CNTNAP2: variants seen among roughly 807,000 people sequenced by gnomAD.
The protein encoded by CNTNAP2 is contactin associated protein 2.
In CNTNAP2, 98 loss-of-function variants were observed where a neutral mutation model predicts 155.2. The observed-to-expected ratio is 0.63, with a 90% confidence interval of 0.54 to 0.75. The LOEUF is 0.75. Ranked by LOEUF, CNTNAP2 falls within the 30% of genes least tolerant of loss-of-function variation. The probability of loss-of-function intolerance (pLI) is 0.00; values close to 1 mark genes in which losing one functional copy is unlikely to be tolerated. For synonymous variants in CNTNAP2, 651 were observed against 631.2 expected, an observed-to-expected ratio of 1.03 and a Z score of -0.47; for missense variants, 1,727 against 1,688.1, an observed-to-expected ratio of 1.02 and a Z score of -0.40.
chr7:147,330,609 G>T (rs977108461), intron 9 of CNTNAP2, among the ~76,000 whole-genome samples: 12 of 152,094 alleles, frequency 7.9e-5, no homozygotes, highest in African/African-American at 2.9e-4. Flanking sequence ...TGAATTGTTG[G>T]ATAACCAGTT....
At chr7:148,034,832 T>A (rs575148813) in intron 15 of CNTNAP2, among the ~76,000 whole-genome samples, 4 of 152,208 alleles carry the variant, frequency 2.6e-5, no homozygotes, top group South Asian at 2.1e-4. Flanking sequence ...GATTACTAAG[T>A]TGTTGTGATC....
chr7:147,097,725 A>G (rs1341404059), intron 4 of CNTNAP2: 1 of 152,228 alleles, frequency 6.6e-6, no homozygotes, highest in African/African-American at 2.4e-5. Flanking sequence ...GAATTTGAAA[A>G]GGATAGCGCA....
At chr7:146,230,231 C>G (rs138460324) in intron 1 of CNTNAP2, among the ~76,000 whole-genome samples, 1 of 152,204 alleles carries the variant, frequency 6.6e-6, no homozygotes, top group East Asian at 1.9e-4. Flanking sequence ...TATATAAGTC[C>G]ACTTGGCACC....
intron 9 of CNTNAP2, among the ~76,000 whole-genome samples, chr7:147,317,478 T>C (rs1306657013): frequency 6.6e-6 from 1 of 152,206 alleles, no homozygotes; most frequent in Admixed American, 6.5e-5. Flanking sequence ...CATGTTGGCC[T>C]TCCTTGAGCT....
chr7:146,152,742 C>T (rs1798070146), intron 1 of CNTNAP2, among the ~76,000 whole-genome samples: 1 of 152,046 alleles, frequency 6.6e-6, no homozygotes, highest in Admixed American at 6.6e-5. Context: ...AAAATCTCTG[C>T]TAGATTGAAC....
chr7:147,527,184 G>C (rs1799340737), intron 11 of CNTNAP2, among the ~76,000 whole-genome samples: 1 of 151,656 alleles, frequency 6.6e-6, no homozygotes, highest in South Asian at 2.1e-4. Flanking sequence ...CACCATGTAT[G>C]GCTAATTTTC....
At chr7:148,077,991 A>G (rs962049961) in intron 15 of CNTNAP2, among the ~76,000 whole-genome samples, 10 of 138,256 alleles carry the variant, frequency 7.2e-5, no homozygotes, top group Middle Eastern at 7.1e-3. Flanking sequence ...ACTTTAATAG[A>G]ATATTACAAT....
intron 11 of CNTNAP2, among the ~76,000 whole-genome samples, chr7:147,519,551 T>G (rs1016538319): frequency 3.3e-5 from 5 of 152,196 alleles, no homozygotes; most frequent in African/African-American, 1.2e-4. Context: ...CAAATTGTAT[T>G]CTGTGATTAT....
intron 1 of CNTNAP2, among the ~76,000 whole-genome samples, chr7:146,197,078 A>C (rs1798787743): frequency 6.6e-6 from 1 of 152,174 alleles, no homozygotes; most frequent in Non-Finnish European, 1.5e-5. Context: ...CTGGAAAAAA[A>C]ATGGAAAGAT....
chr7:147,690,314 A>G (rs529385039), intron 13 of CNTNAP2, among the ~76,000 whole-genome samples: 1 of 152,148 alleles, frequency 6.6e-6, no homozygotes, highest in Non-Finnish European at 1.5e-5. Context: ...CTTAGGCAAA[A>G]TGTCTAATCT....
chr7:147,425,733 G>A (rs553640767), intron 10 of CNTNAP2, among the ~76,000 whole-genome samples: 3 of 152,166 alleles, frequency 2.0e-5, no homozygotes, highest in East Asian at 3.9e-4. Flanking sequence ...GGAAAATATC[G>A]AAGAGATGAA....
intron 13 of CNTNAP2, among the ~76,000 whole-genome samples, chr7:147,678,163 A>G (rs180975779): frequency 6.6e-6 from 1 of 151,928 alleles, no homozygotes; most frequent in African/African-American, 2.4e-5. Flanking sequence ...ATAGACATAC[A>G]TTTCCAGGAT....
At chr7:147,959,854 C>T (rs1801085675) in intron 14 of CNTNAP2, among the ~76,000 whole-genome samples, 1 of 152,120 alleles carries the variant, frequency 6.6e-6, no homozygotes, top group African/African-American at 2.4e-5. Flanking sequence ...AGTCGAGTCC[C>T]AGTTGGTACC....
At chr7:147,230,491 C>T (rs541185155) in intron 8 of CNTNAP2, among the ~76,000 whole-genome samples, 2 of 152,200 alleles carry the variant, frequency 1.3e-5, no homozygotes, top group African/African-American at 2.4e-5. Flanking sequence ...CTCTTGACCT[C>T]GTCCATGTCA....
At chr7:147,043,841 A>G in intron 3 of CNTNAP2, 66 bp from the exon 4 acceptor site, 1 of 1,578,544 alleles carries the variant, frequency 6.3e-7, no homozygotes, top group Non-Finnish European at 8.7e-7. Flanking sequence ...TTATTCTAGT[A>G]GACAGAGGAC....
At chr7:146,987,150 C>T (rs2129238052) in intron 3 of CNTNAP2, among the ~76,000 whole-genome samples, 1 of 152,258 alleles carries the variant, frequency 6.6e-6, no homozygotes, top group East Asian at 1.9e-4. Context: ...TAAGGACTTA[C>T]ATGCTACATA....
At chr7:147,570,314 G>C (rs1387023887) in intron 12 of CNTNAP2, among the ~76,000 whole-genome samples, 1 of 152,102 alleles carries the variant, frequency 6.6e-6, no homozygotes, top group Non-Finnish European at 1.5e-5. Context: ...TTAGAATTCT[G>C]TTTAGCATGC....
chr7:148,180,252 A>G (rs75214778), intron 18 of CNTNAP2, among the ~76,000 whole-genome samples: 7,582 of 152,252 alleles, frequency 0.05, 368 homozygotes, highest in East Asian at 0.15. Flanking sequence ...TTCAGTTGGA[A>G]CAGGAGGTTT....
chr7:147,891,548 G>C (rs10232117), intron 13 of CNTNAP2, among the ~76,000 whole-genome samples: 2,574 of 152,014 alleles, frequency 0.017, 71 homozygotes, highest in African/African-American at 0.056. Flanking sequence ...ATAAACTTCT[G>C]GCTAGACTGG....
Sources: gnomAD v4.1 joint callset for allele counts (sites outside exome capture counted in the v4.1 genomes callset) on GRCh38, gnomAD v4.1.1 for gene constraint, MANE v1.5 for transcripts, NCBI Gene and HGNC (gene_info 2026-07-23, HGNC 2026-07-21) for gene names.